The following TPO variants were observed in gnomAD, a reference collection of about 807,000 sequenced individuals.
TPO encodes thyroid peroxidase.
A neutral mutation model predicts 96.9 loss-of-function variants in TPO; 78 were observed. That is an observed-to-expected ratio of 0.81 (90% CI 0.67 to 0.97). The LOEUF is 0.97. Among genes scored for constraint, TPO ranks in the 50% least tolerant of loss-of-function variants. TPO has a pLI of 0.00. For missense variants in TPO, 1,252 were observed against 1,274.8 expected (o/e 0.98, Z 0.27); for synonymous variants, 547 against 538.0 (o/e 1.02, Z -0.23).
rs992877081 is a variant in TPO at position 1,478,688 on chromosome 2, C to T, written c.1338+1084C>T. ...ACACTTCTCCGGCAAGCACGGCAGA[C>T]GGGCTCACTGTCCTAACACGCATCC... On this transcript the variant is annotated intron_variant, in intron 8 of 16. Coordinates refer to ENST00000329066, the MANE Select transcript of TPO (RefSeq NM_001206744.2). Among the ~76,000 whole-genome samples the T allele has an allele frequency of 6.6e-5, 10 of 152,366 alleles. No homozygotes were observed. In the East Asian group the frequency reaches 7.7e-4, roughly 12 times the overall value.
chr2:1,484,532 C>A (rs1670940611), intron 8 of TPO, 64 bp from the exon 9 acceptor site: 1 of 1,608,654 alleles, frequency 6.2e-7, no homozygotes, highest in Non-Finnish European at 8.5e-7. Context: ...TTCCACACTG[C>A]CGCTCGAGGC....
intron 7 of TPO, among the ~76,000 whole-genome samples, chr2:1,458,278 AG>A: frequency 6.6e-6 from 1 of 150,724 alleles, no homozygotes; most frequent in South Asian, 2.1e-4. Flanking sequence ...GTGTGTATAT[AG>A]CATATAAGAC....
intron 1 of TPO, among the ~76,000 whole-genome samples, chr2:1,395,933 T>C (rs1427279590): frequency 6.6e-6 from 1 of 152,172 alleles, no homozygotes; most frequent in East Asian, 1.9e-4. Flanking sequence ...GAACTGTGAG[T>C]CCATTAAACC....
intron 5 of TPO, among the ~76,000 whole-genome samples, chr2:1,437,156 G>A (rs117993094): frequency 6.6e-6 from 1 of 152,228 alleles, no homozygotes; most frequent in Non-Finnish European, 1.5e-5. Context: ...ACAGGGTAGA[G>A]AAGAGGGCTT....
intron 3 of TPO, among the ~76,000 whole-genome samples, chr2:1,431,402 C>A (rs1162888148): frequency 1.3e-5 from 2 of 152,208 alleles, no homozygotes; most frequent in African/African-American, 4.8e-5. Context: ...CCCGCAGAAC[C>A]TTGAGCCAAT....
At chr2:1,424,073 G>A (rs558712158) in intron 3 of TPO, among the ~76,000 whole-genome samples, 102 of 152,262 alleles carry the variant, frequency 6.7e-4, no homozygotes, top group Middle Eastern at 3.4e-3. Context: ...GGATGCACCT[G>A]TGACGCAGTG....
upstream of TPO, among the ~76,000 whole-genome samples, chr2:1,410,718 G>A (rs987246478): frequency 6.6e-6 from 1 of 152,144 alleles, no homozygotes; most frequent in African/African-American, 2.4e-5. Context: ...ACTGAGACCT[G>A]CTTGTAGCAG....
At chr2:1,523,075 A>ATCC in intron 15 of TPO, among the ~76,000 whole-genome samples, 1 of 66,150 alleles carries the variant, frequency 1.5e-5, no homozygotes, top group East Asian at 5.3e-4. Flanking sequence ...CCAAATCCCG[A>ATCC]CACTGTGTGC....
rs541739455 is a variant in TPO at position 1,433,613 on chromosome 2, G to C, written c.349+6G>C. The C allele has an allele frequency of 1.2e-6, 2 of 1,613,192 alleles. No individual in the cohort carries two copies. The highest frequency in any genetic ancestry group is 2.2e-5 in the South Asian group (2 of 90,970). On this transcript the variant is annotated splice_donor_region_variant and intron_variant, in intron 4 of 16. Coordinates refer to ENST00000329066, the MANE Select transcript of TPO (RefSeq NM_001206744.2). ...ACAATCACAGCATCCAACGGGTAATGTGTGCCCCTCTCCCCACTGAGGAGC... is the reference window on the plus strand; with the variant it reads ...ACAATCACAGCATCCAACGGGTAATCTGTGCCCCTCTCCCCACTGAGGAGC...
At position 1,496,713 on chromosome 2, in the gene TPO, G is replaced by A; in HGVS notation, c.2334G>A (p.Glu778=). 1 of 1,614,166 alleles carries A rather than the reference G, an allele frequency of 6.2e-7. No individual in the cohort carries two copies. The highest frequency in any genetic ancestry group is 8.5e-7 in the Non-Finnish European group (1 of 1,180,042). The change falls in exon 13 of 17, where the codon GAG becomes GAA. Residue 778 remains glutamate (E), a synonymous_variant. Coordinates refer to ENST00000329066, the MANE Select transcript of TPO (RefSeq NM_001206744.2). ...ACGGGTATGAGCTCCAAGGCCGGGA[G>A]CAGCTCACTTGCACCCAGGAAGGAT... ...CRHGYELQGR[E]QLTCTQEGWD...
chr2:1,422,942 G>A (rs571606144), intron 2 of TPO, 103 bp from the exon 3 acceptor site: 15 of 1,291,708 alleles, frequency 1.2e-5, no homozygotes, highest in Admixed American at 1.1e-4. Flanking sequence ...CGGAAGCCAC[G>A]TGGGCATCAC....
Position 1,529,215 on chromosome 2 carries a change from A to G in TPO, c.2619-11379A>G, listed in dbSNP as rs1404369558. On this transcript the variant is annotated intron_variant, in intron 15 of 16. Transcript: ENST00000329066. ...CCCCCCCACTCTGTGCAACCTCCTCAAATCCCCCCCACTGTGTGCAACCGT... is the reference window on the plus strand; with the variant it reads ...CCCCCCCACTCTGTGCAACCTCCTCGAATCCCCCCCACTGTGTGCAACCGT... 1.8e-4 allele frequency among the ~76,000 whole-genome samples: 5 copies of G among 28,318 alleles called. No individual in the cohort carries two copies. In the East Asian group the frequency reaches 5.1e-3, roughly 29 times the overall value. 18.6% of individuals were successfully genotyped at this position (28,318 alleles called of 152,430 possible). A position where few individuals can be genotyped will look rare whatever the true frequency, so the allele number is the denominator to read the frequency against.
intron 3 of TPO, among the ~76,000 whole-genome samples, chr2:1,426,416 A>G (rs1366397740): frequency 6.6e-6 from 1 of 152,150 alleles, no homozygotes; most frequent in Admixed American, 6.5e-5. Flanking sequence ...TGATCATTTC[A>G]TATCCTCAGA....
chr2:1,416,022 C>T (rs2148407929), intron 2 of TPO, among the ~76,000 whole-genome samples: 1 of 152,278 alleles, frequency 6.6e-6, no homozygotes, highest in Non-Finnish European at 1.5e-5. Context: ...AGCTTCCATC[C>T]ATGCCCCAAG....
chr2:1,534,692 AT>A (rs1679155380), intron 15 of TPO, among the ~76,000 whole-genome samples: 1 of 109,422 alleles, frequency 9.1e-6, no homozygotes, highest in Non-Finnish European at 1.9e-5. Context: ...ACTTCCAAAA[AT>A]CCCCCACACA....
chr2:1,494,194 CT>C lies in TPO; in HGVS notation c.2006+158del, dbSNP rs1424406354. ...AGGTTGTTTCTCCCACCCACAGCTT[CT>C]TTAACCTAGAACAGTGTTTTTATAA... On this transcript the variant is annotated intron_variant, in intron 11 of 16. Coordinates refer to ENST00000329066, the MANE Select transcript of TPO (RefSeq NM_001206744.2). Among the ~76,000 whole-genome samples, 3 of 152,368 alleles carry C rather than the reference CT, an allele frequency of 2.0e-5. No individual in the cohort carries two copies. The East Asian group carries it at 5.8e-4, about 29-fold the overall frequency.
At chr2:1,486,798 TGGGG>T (rs1201319920) in intron 9 of TPO, among the ~76,000 whole-genome samples, 7 of 140,402 alleles carry the variant, frequency 5.0e-5, no homozygotes, top group Non-Finnish European at 1.1e-4. Flanking sequence ...CCAGGCGTAG[TGGGG>T]AGTGGGGAGG....
chr2:1,539,440 T>C (rs996867491), intron 15 of TPO, among the ~76,000 whole-genome samples: 3 of 152,160 alleles, frequency 2.0e-5, no homozygotes, highest in Admixed American at 2.0e-4. Context: ...CATTTGCTCC[T>C]AATGACACCG....
At chr2:1,531,422 TCCCTCCC>T (rs2125242156) in intron 15 of TPO, among the ~76,000 whole-genome samples, 4 of 40,416 alleles carry the variant, frequency 9.9e-5, no homozygotes, top group African/African-American at 7.6e-4. Context: ...CCTCCCCAAA[TCCCTCCC>T]ACTGTGAGCA....
Sources: gnomAD v4.1 joint callset for allele counts (sites outside exome capture counted in the v4.1 genomes callset) on GRCh38, gnomAD v4.1.1 for gene constraint, MANE v1.5 for transcripts, NCBI Gene and HGNC (gene_info 2026-07-23, HGNC 2026-07-21) for gene names.